The following ITSN1 variants were observed in gnomAD, a reference collection of about 807,000 sequenced individuals.
The protein encoded by ITSN1 is intersectin 1, also known as intersectin-1.
ITSN1 carries 58 observed loss-of-function variants against 239.8 expected under a neutral mutation model. The ratio of observed to expected loss-of-function variants is 0.24; its 90% CI spans 0.20 to 0.30. The LOEUF (loss-of-function observed/expected upper bound fraction) is 0.30. Ranked by LOEUF, ITSN1 falls within the 10% of genes least tolerant of loss-of-function variation. The pLI is 1.00. For missense variants in ITSN1, 1,558 were observed against 2,103.3 expected (o/e 0.74, Z 5.07); for synonymous variants, 780 against 770.8 (o/e 1.01, Z -0.20).
intron 29 of ITSN1, among the ~76,000 whole-genome samples, chr21:33,851,778 C>CTTTTTTTTTTTTTTTTTTTTTTCT (rs35567402): frequency 3.0e-5 from 2 of 66,206 alleles, no homozygotes; most frequent in Admixed American, 2.3e-4. Context: ...CTTTTCTTTC[C>CTTTTTTTTTTTTTTTTTTTTTTCT]TTTTTTTTTT....
chr21:33,819,432 T>C (rs999116013), intron 24 of ITSN1, 109 bp downstream of exon 24: 1 of 681,018 alleles, frequency 1.5e-6, no homozygotes, highest in South Asian at 2.5e-5. Context: ...ATGATCAGTA[T>C]ATTAAACTAC....
chr21:33,791,237 G>A (rs1480928154), intron 16 of ITSN1, among the ~76,000 whole-genome samples: 1 of 152,204 alleles, frequency 6.6e-6, no homozygotes, highest in Admixed American at 6.5e-5. Context: ...CCTTACAACT[G>A]TGTATCTCAG....
At chr21:33,777,279 A>G (rs890260831) in intron 14 of ITSN1, among the ~76,000 whole-genome samples, 2 of 152,180 alleles carry the variant, frequency 1.3e-5, no homozygotes, top group African/African-American at 4.8e-5. Context: ...TCAGTTGAAC[A>G]TATTTGTAAT....
In ITSN1 at chr21:33,772,310, T is replaced by C; in HGVS notation, c.1292T>C (p.Ile431Thr). ...RQREEERRKE[I>T]ERREAAKREL... is the part of the protein sequence containing the mutation. ...AGAGAGGAGGAGAGGAGGAAAGAAA[T>C]TGAGAGGCGAGAGGTAAGCAGGCGA... Residue 431 changes from isoleucine (I) to threonine (T), a missense_variant, in exon 12 of 40, where the codon ATT (isoleucine) becomes ACT (threonine). This residue lies in a region of ITSN1 where 982 missense variants were observed against 1,209.9 expected (regional missense o/e 0.81). Coordinates refer to ENST00000381318, the MANE Select transcript of ITSN1 (RefSeq NM_003024.3). 1 of 1,553,898 alleles carries C rather than the reference T, an allele frequency of 6.4e-7. No homozygotes were observed. Among genetic ancestry groups the C allele is most frequent in the Non-Finnish European group, 8.7e-7 (1 of 1,148,266 alleles).
chr21:33,716,953 A>G (rs2065182543), intron 1 of ITSN1, among the ~76,000 whole-genome samples: 1 of 151,350 alleles, frequency 6.6e-6, no homozygotes, highest in African/African-American at 2.4e-5. Context: ...AAAAAAAGTG[A>G]AAGAGACCCA....
intron 16 of ITSN1, among the ~76,000 whole-genome samples, chr21:33,785,173 A>G (rs1424199954): frequency 6.6e-6 from 1 of 152,226 alleles, no homozygotes; most frequent in Admixed American, 6.5e-5. Flanking sequence ...TACCTTACAG[A>G]GTACAGAATT....
At chr21:33,861,756 A>C (rs1980575425) in intron 31 of ITSN1, among the ~76,000 whole-genome samples, 2 of 151,914 alleles carry the variant, frequency 1.3e-5, no homozygotes, top group Non-Finnish European at 2.9e-5. Context: ...ACCATCCTGG[A>C]TAACACGGTG....
intron 5 of ITSN1, 139 bp downstream of exon 5, chr21:33,735,343 G>A (rs2066431305): frequency 3.5e-6 from 3 of 845,908 alleles, no homozygotes; most frequent in Non-Finnish European, 5.9e-6. Context: ...CCCCCTGCAG[G>A]AAGATAGTGC....
intron 26 of ITSN1, among the ~76,000 whole-genome samples, chr21:33,828,745 A>T (rs1055050518): frequency 3.3e-5 from 5 of 152,156 alleles, no homozygotes; most frequent in African/African-American, 1.2e-4. Context: ...AGAAGTTCAG[A>T]AAGCAGTAGT....
rs1473199365 is a variant in ITSN1, at chr21:33,875,392, C to A, written c.4212C>A (p.Ser1404Arg). 6.2e-7 allele frequency: 1 copy of A among 1,614,112 alleles called. No individual in the cohort carries two copies. Among genetic ancestry groups the A allele is most frequent in the African/African-American group, 1.3e-5 (1 of 75,016 alleles). ...ENTPENHPDH[S>R]HLKHALEKAE... ...CCCCTGAAAACCACCCGGACCACAGCCACTTGAAGCACGCCCTGGAGAAGG... is the reference window on the plus strand; with the variant it reads ...CCCCTGAAAACCACCCGGACCACAGACACTTGAAGCACGCCCTGGAGAAGG... Residue 1404 changes from serine to arginine, a missense_variant, in exon 34 of 40, where the codon AGC becomes AGA. This residue lies in a region of ITSN1 where 576 missense variants were observed against 893.3 expected (regional missense o/e 0.64). Coordinates refer to ENST00000381318, the MANE Select transcript of ITSN1 (RefSeq NM_003024.3).
At chr21:33,727,607 C>CAAAAAAAAAAA (rs201596116) in intron 4 of ITSN1, among the ~76,000 whole-genome samples, 1 of 69,756 alleles carries the variant, frequency 1.4e-5, no homozygotes, top group African/African-American at 4.5e-5. Context: ...TAAACTCATA[C>CAAAAAAAAAAA]AAAAAAAAAA....
chr21:33,877,059 C>CTT lies in ITSN1; in HGVS notation c.4341+1549_4341+1550dup, dbSNP rs10529259. Among the ~76,000 whole-genome samples the CTT allele has an allele frequency of 1.3e-4, 14 of 106,404 alleles. 4 individuals carry two copies. In the South Asian group the frequency reaches 1.4e-3, roughly 10 times the overall value. The allele number at this position is 106,404 out of a possible 152,430, so 69.8% of individuals were successfully genotyped here. On this transcript the variant is annotated intron_variant, in intron 34 of 39. Transcript: ENST00000381318. ...TCCTTAGAACTTTACCTGTGGGCAC[C>CTT]TTTTTTTTTTTTGAAATGGAGTCTC...
chr21:33,749,166 T>C (rs2067383929), intron 5 of ITSN1, among the ~76,000 whole-genome samples: 1 of 151,992 alleles, frequency 6.6e-6, no homozygotes, highest in Non-Finnish European at 1.5e-5. Context: ...TTTTTAAAAT[T>C]TTTTGTAGAG....
intron 29 of ITSN1, among the ~76,000 whole-genome samples, chr21:33,842,498 GTGT>G (rs2074858708): frequency 2.1e-5 from 1 of 46,888 alleles, no homozygotes; most frequent in African/African-American, 1.0e-4. Flanking sequence ...TGTCAACGGT[GTGT>G]GTGTGTGTGT....
intron 1 of ITSN1, among the ~76,000 whole-genome samples, chr21:33,647,726 C>A (rs571270736): frequency 6.6e-6 from 1 of 152,256 alleles, no homozygotes; most frequent in South Asian, 2.1e-4. Context: ...ATGCTCCTAA[C>A]CTCAGGTGAT....
chr21:33,644,271 A>G (rs1453856084), intron 1 of ITSN1, among the ~76,000 whole-genome samples: 1 of 152,230 alleles, frequency 6.6e-6, no homozygotes, highest in Non-Finnish European at 1.5e-5. Context: ...CATATGAAAG[A>G]AAAATCCTTA....
At chr21:33,754,367 A>G (rs1000167097) in intron 7 of ITSN1, 1 of 152,266 alleles carries the variant, frequency 6.6e-6, no homozygotes, top group Non-Finnish European at 1.5e-5. Flanking sequence ...AATGATGATT[A>G]AAAAGTTCAG....
chr21:33,762,881 C>G (rs546042503), intron 9 of ITSN1, among the ~76,000 whole-genome samples: 1 of 152,164 alleles, frequency 6.6e-6, no homozygotes, highest in Non-Finnish European at 1.5e-5. Context: ...CCAGGCTGGT[C>G]TCGAGCTCCT....
At chr21:33,705,110 CAA>C (rs1174530558) in intron 1 of ITSN1, among the ~76,000 whole-genome samples, 535 of 69,690 alleles carry the variant, frequency 7.7e-3, no homozygotes, top group Middle Eastern at 0.025. Flanking sequence ...GACTCCGTCT[CAA>C]AAAAAAAAAA....
Sources: allele counts gnomAD v4.1 joint callset (sites outside exome capture counted in the v4.1 genomes callset), GRCh38; gene constraint gnomAD v4.1.1; regional missense constraint gnomAD v4.1.1; transcripts MANE v1.5; gene names NCBI Gene and HGNC (gene_info 2026-07-23, HGNC 2026-07-21).